CPN1: variants seen among roughly 807,000 people sequenced by gnomAD.
CPN1 encodes the protein carboxypeptidase N subunit 1, also known as carboxypeptidase N catalytic chain.
In CPN1, 37 loss-of-function variants were observed where a neutral mutation model predicts 46.4. That is an observed-to-expected ratio of 0.80 (90% CI 0.61 to 1.05). CPN1 has a LOEUF of 1.05. Among genes scored for constraint, CPN1 ranks in the 50% least tolerant of loss-of-function variants. The pLI is 0.00. For missense variants in CPN1, 563 were observed against 602.6 expected (o/e 0.93, Z 0.69); for synonymous variants, 224 against 235.4 (o/e 0.95, Z 0.44).
At chr10:100,066,997 G>T (rs192738273) in intron 3 of CPN1, among the ~76,000 whole-genome samples, 1 of 152,166 alleles carries the variant, frequency 6.6e-6, no homozygotes, top group Non-Finnish European at 1.5e-5. Flanking sequence ...TTTAGACAGA[G>T]GATTGAGTGG....
intron 7 of CPN1, 73 bp downstream of exon 7, chr10:100,054,274 T>C (rs2133430308): frequency 4.2e-6 from 5 of 1,201,634 alleles, no homozygotes; most frequent in Non-Finnish European, 6.2e-6. Flanking sequence ...GCTTACAAAC[T>C]GGCCCCTTGA....
chr10:100,079,847 G>A (rs1360243768), intron 1 of CPN1, among the ~76,000 whole-genome samples: 1 of 152,260 alleles, frequency 6.6e-6, no homozygotes, highest in East Asian at 1.9e-4. Flanking sequence ...CACTTTGGGA[G>A]GCCAAGGCGG....
chr10:100,075,851 T>C, intron 2 of CPN1, 60 bp downstream of exon 2: 4 of 1,541,366 alleles, frequency 2.6e-6, no homozygotes, highest in Non-Finnish European at 2.7e-6. Flanking sequence ...TCTTGTCCAC[T>C]GGACTTTATT....
chr10:100,062,080 C>G (rs1330202120), intron 5 of CPN1, among the ~76,000 whole-genome samples: 1 of 152,184 alleles, frequency 6.6e-6, no homozygotes, highest in Non-Finnish European at 1.5e-5. Flanking sequence ...TTTTGCACCT[C>G]TCTACTCTCC....
intron 5 of CPN1, among the ~76,000 whole-genome samples, chr10:100,059,067 C>T (rs2041401848): frequency 6.6e-6 from 1 of 151,932 alleles, no homozygotes; most frequent in South Asian, 2.1e-4. Flanking sequence ...AACGTAAGAC[C>T]CAAAACTATA....
Position 100,042,540 on chromosome 10 carries a change from C to T in CPN1, c.1264G>A (p.Val422Ile), listed in dbSNP as rs1234005636. The T allele has an allele frequency of 1.2e-6, 2 of 1,613,798 alleles. No homozygotes were observed. Among genetic ancestry groups the T allele is most frequent in the South Asian group, 2.2e-5 (2 of 91,072 alleles). The part of the protein sequence containing the change: ...NFHLKRSIPQ[V>I]SPVRRAPSRR... ...CTGGGAGCTCTCCTCACAGGGCTTA[C>T]TTGAGGGATGCTTCTTTTGAGGTGG... is the stretch of plus-strand genomic sequence containing the variant. Residue 422 changes from valine to isoleucine, a missense_variant, in exon 9 of 9, where the codon GTA becomes ATA. By Grantham distance (29) the Val-to-Ile change is conservative (BLOSUM62 3). Transcript: ENST00000370418.
chr10:100,058,112 T>A (rs545531246), intron 5 of CPN1, among the ~76,000 whole-genome samples: 121 of 152,298 alleles, frequency 7.9e-4, no homozygotes, highest in Admixed American at 1.9e-3. Flanking sequence ...CATGCCTCTC[T>A]CTCTGCAGTT....
At chr10:100,073,717 G>A (rs935876573) in intron 2 of CPN1, among the ~76,000 whole-genome samples, 2 of 150,310 alleles carry the variant, frequency 1.3e-5, no homozygotes, top group East Asian at 3.9e-4. Flanking sequence ...CCAGGTTCAA[G>A]TGATTCTCCT....
Position 100,065,279 on chromosome 10 carries a change from T to G in CPN1, c.668A>C (p.Asn223Thr). ...CTCAAAGGACTTGTCATACGGGTAATTGGCCACCACCGCCCCTCCGTGGAG... is the reference window on the plus strand; with the variant it reads ...CTCAAAGGACTTGTCATACGGGTAAGTGGCCACCACCGCCCCTCCGTGGAG... ...ANLHGGAVVA[N>T]YPYDKSFEHR... Residue 223 changes from asparagine (N) to threonine (T), a missense_variant, in exon 4 of 9, where the codon AAT becomes ACT. By Grantham distance (65) the Asn-to-Thr change is moderately conservative. Transcript: ENST00000370418. 1 of 1,614,048 alleles carries G rather than the reference T, an allele frequency of 6.2e-7. No homozygotes were observed. Among genetic ancestry groups the G allele is most frequent in the Non-Finnish European group, 8.5e-7 (1 of 1,180,014 alleles).
At chr10:100,070,398 A>C (rs2041477367) in intron 2 of CPN1, among the ~76,000 whole-genome samples, 1 of 152,080 alleles carries the variant, frequency 6.6e-6, no homozygotes, top group South Asian at 2.1e-4. Context: ...CACGAGAATC[A>C]CTTAAACTCA....
intron 7 of CPN1, among the ~76,000 whole-genome samples, chr10:100,054,025 A>G (rs1037444505): frequency 2.0e-5 from 3 of 152,154 alleles, no homozygotes; most frequent in Non-Finnish European, 4.4e-5. Context: ...CCCAGAAAAT[A>G]CCCCTAACAA....
At position 100,048,827 on chromosome 10, in the gene CPN1, A is replaced by G. The variant is rs1227881471; in HGVS notation, c.1161T>C (p.Val387=). The part of the protein sequence containing the change: ...FRLLLPGIYT[V]SATAPGYDPE... ...GGTCATACCCAGGTGCTGTGGCACT[A>G]ACAGTGTAGATACCTGGAAGCAGCA... The change falls in exon 8 of 9, where the codon GTT becomes GTC. Residue 387 remains valine (V), a synonymous_variant. Coordinates refer to ENST00000370418, the MANE Select transcript of CPN1 (RefSeq NM_001308.3). 3 of 1,613,872 alleles carry G rather than the reference A, an allele frequency of 1.9e-6. No homozygotes were observed. Among genetic ancestry groups the G allele is most frequent in the Non-Finnish European group, 2.5e-6 (3 of 1,179,866 alleles).
chr10:100,048,472 C>T (rs1053936522), intron 8 of CPN1, among the ~76,000 whole-genome samples: 4 of 152,122 alleles, frequency 2.6e-5, no homozygotes, highest in African/African-American at 9.7e-5. Flanking sequence ...CTGAGGCAGG[C>T]AGATCACTTG....
intron 5 of CPN1, among the ~76,000 whole-genome samples, chr10:100,062,648 G>T (rs1339417120): frequency 6.6e-6 from 1 of 150,736 alleles, no homozygotes; most frequent in Non-Finnish European, 1.5e-5. Context: ...GAGTGCAGTG[G>T]TGCAATCTTG....
chr10:100,071,359 C>T (rs2041483881), intron 2 of CPN1, among the ~76,000 whole-genome samples: 1 of 152,178 alleles, frequency 6.6e-6, no homozygotes, highest in African/African-American at 2.4e-5. Flanking sequence ...GCTCTCTGGT[C>T]CCCTTCTTTG....
In CPN1 at chr10:100,063,683, C is replaced by G. The variant is rs370240267; in HGVS notation, c.802G>C (p.Gly268Arg). ...GGGAAGTAATCTCCGCAGTTCCAAC[C>G]TTGGAACATCCATCCATGTGCATAG... ...YSYAHGWMFQ[G>R]WNCGDYFPDG... The change falls in exon 5 of 9, where the codon GGT (glycine) becomes CGT (arginine). Residue 268 changes from glycine (G) to arginine (R), a missense_variant. Transcript: ENST00000370418. The G allele has an allele frequency of 6.2e-7, 1 of 1,614,000 alleles. No individual in the cohort carries two copies. The highest frequency in any genetic ancestry group is 1.3e-5 in the African/African-American group (1 of 74,922).
chr10:100,061,737 A>T (rs1314866123), intron 5 of CPN1, among the ~76,000 whole-genome samples: 1 of 152,260 alleles, frequency 6.6e-6, no homozygotes, highest in Non-Finnish European at 1.5e-5. Flanking sequence ...ATAATTTGAA[A>T]AAGTATATTG....
intron 8 of CPN1, among the ~76,000 whole-genome samples, chr10:100,047,530 A>C (rs2041322173): frequency 6.6e-6 from 1 of 152,224 alleles, no homozygotes; most frequent in Non-Finnish European, 1.5e-5. Context: ...GCATAGCATT[A>C]GCTGATACTT....
chr10:100,055,673 C>T (rs7090607), intron 6 of CPN1, among the ~76,000 whole-genome samples: 17,945 of 152,062 alleles, frequency 0.12, 1,630 homozygotes, highest in African/African-American at 0.25. Flanking sequence ...TACAGGCATG[C>T]GCCACCACAC....
Sources: allele counts gnomAD v4.1 joint callset (sites outside exome capture counted in the v4.1 genomes callset), GRCh38; gene constraint gnomAD v4.1.1; transcripts MANE v1.5; gene names NCBI Gene and HGNC (gene_info 2026-07-23, HGNC 2026-07-21).